The following SYNE2 variants were observed in gnomAD, a reference collection of about 807,000 sequenced individuals.
The protein encoded by SYNE2 is spectrin repeat containing nuclear envelope protein 2, also known as nesprin-2.
A neutral mutation model predicts 856.3 loss-of-function variants in SYNE2; 431 were observed. The observed-to-expected ratio is 0.50, with a 90% CI of 0.47 to 0.55. The LOEUF (loss-of-function observed/expected upper bound fraction) is 0.55. Ranked by LOEUF, SYNE2 falls within the 20% of genes least tolerant of loss-of-function variation. The pLI, the probability that SYNE2 is intolerant of heterozygous loss-of-function variation, is 0.00. For synonymous variants in SYNE2, 2,923 were observed against 2,872.3 expected, an observed-to-expected ratio of 1.02 and a Z score of -0.56; for missense variants, 8,129 against 8,023.2, an observed-to-expected ratio of 1.01 and a Z score of -0.50.
intron 85 of SYNE2, among the ~76,000 whole-genome samples, chr14:64,158,392 C>T (rs956935628): frequency 6.6e-6 from 1 of 152,202 alleles, no homozygotes; most frequent in African/African-American, 2.4e-5. Context: ...AGTCTGAACT[C>T]CTTCAGTGCT....
At chr14:63,967,612 T>G in intron 10 of SYNE2, 97 bp from the exon 11 acceptor site, 1 of 1,330,878 alleles carries the variant, frequency 7.5e-7, no homozygotes, top group Non-Finnish European at 1.0e-6. Flanking sequence ...AGTAAAAACT[T>G]AAATATATCC....
chr14:63,984,573 T>C (rs1169447443), intron 18 of SYNE2, among the ~76,000 whole-genome samples: 2 of 152,226 alleles, frequency 1.3e-5, no homozygotes, highest in Non-Finnish European at 2.9e-5. Context: ...CTTCCTTGTT[T>C]TGTTGGGTAA....
rs142499565 is a variant in SYNE2, at chr14:64,080,426, T to G, written c.11164-30T>G. On this transcript the variant is annotated intron_variant, in intron 55 of 115. Coordinates refer to ENST00000555002, the MANE Select transcript of SYNE2 (RefSeq NM_182914.3). The stretch of plus-strand genomic sequence containing the variant: ...GCCTCCATAAACTATGACCTCTTCA[T>G]TCAAGTTGACTTACGATTTCCTTCT... 1.3e-5 allele frequency: 21 copies of G among 1,612,788 alleles called. No individual in the cohort carries two copies. The Middle Eastern group carries it at 1.3e-3, about 101-fold the overall frequency.
rs548279685 is a variant in SYNE2 at position 64,225,320 on chromosome 14, G to T, written c.20518G>T (p.Val6840Phe). 1 of 1,613,990 alleles carries T rather than the reference G, an allele frequency of 6.2e-7. No individual in the cohort carries two copies. Among genetic ancestry groups the T allele is most frequent in the African/African-American group, 1.3e-5 (1 of 74,902 alleles). Residue 6840 changes from valine (V) to phenylalanine (F), a missense_variant and splice_region_variant, in exon 116 of 116, where the codon GTC becomes TTC. This residue lies in a region of SYNE2 where 5,410 missense variants were observed against 5,284.8 expected (regional missense o/e 1.02). Transcript: ENST00000555002. ...GCTCTCAACCTCCTCTGTTGGCAGG[G>T]TCCCCGGCAGCACACGGCCACAGCG... The part of the protein sequence containing the change: ...TEGEEETESR[V>F]PGSTRPQRSF...
At chr14:63,900,903 GAGA>G (rs1425080256) in intron 1 of SYNE2, among the ~76,000 whole-genome samples, 9 of 152,192 alleles carry the variant, frequency 5.9e-5, no homozygotes, top group Non-Finnish European at 8.8e-5. Flanking sequence ...ACTGATAAAG[GAGA>G]AGATCCTTCC....
At chr14:64,034,167 A>C (rs576202334) in intron 45 of SYNE2, among the ~76,000 whole-genome samples, 1 of 152,226 alleles carries the variant, frequency 6.6e-6, no homozygotes, top group Non-Finnish European at 1.5e-5. Flanking sequence ...TCTCAATATA[A>C]TGAATACGTA....
intron 45 of SYNE2, among the ~76,000 whole-genome samples, chr14:64,044,886 G>A (rs1381156486): frequency 6.6e-6 from 1 of 152,058 alleles, no homozygotes; most frequent in Non-Finnish European, 1.5e-5. Context: ...AAATTGCCCA[G>A]TCTCAGGTAT....
intron 81 of SYNE2, 85 bp from the exon 82 acceptor site, chr14:64,141,857 A>G (rs1440748729): frequency 3.3e-6 from 5 of 1,511,076 alleles, no homozygotes; most frequent in Non-Finnish European, 4.5e-6. Flanking sequence ...AAGACCTTTT[A>G]TCAAACCAGA....
At chr14:64,154,647 A>AGCTGG (rs1231669593) in intron 85 of SYNE2, among the ~76,000 whole-genome samples, 1 of 152,024 alleles carries the variant, frequency 6.6e-6, no homozygotes, top group African/African-American at 2.4e-5. Flanking sequence ...AGAAAAAATT[A>AGCTGG]GCTGGGTGTG....
At chr14:63,897,343 C>T (rs1176790865) in intron 1 of SYNE2, among the ~76,000 whole-genome samples, 2 of 152,176 alleles carry the variant, frequency 1.3e-5, no homozygotes, top group Admixed American at 1.3e-4. Context: ...GTTTCCCCAC[C>T]TTTGTAGTTC....
intron 1 of SYNE2, among the ~76,000 whole-genome samples, chr14:63,876,824 C>T (rs564996884): frequency 6.6e-6 from 1 of 152,152 alleles, no homozygotes; most frequent in South Asian, 2.1e-4. Context: ...CTAATCGTAT[C>T]AAATAAACCG....
chr14:63,854,557 A>AT (rs1235822399), intron 1 of SYNE2, among the ~76,000 whole-genome samples: 3 of 152,216 alleles, frequency 2.0e-5, no homozygotes, highest in African/African-American at 7.2e-5. Context: ...TGTAATCCTC[A>AT]TTAAGTTTTT....
intron 84 of SYNE2, among the ~76,000 whole-genome samples, chr14:64,146,952 A>C (rs750740656): frequency 6.6e-6 from 1 of 152,144 alleles, no homozygotes; most frequent in African/African-American, 2.4e-5. Context: ...CTGGACATAA[A>C]TGTGAGCAGC....
intron 1 of SYNE2, among the ~76,000 whole-genome samples, chr14:63,887,960 C>T (rs1566716784): frequency 6.6e-6 from 1 of 152,082 alleles, no homozygotes; most frequent in African/African-American, 2.4e-5. Context: ...ACCATGTTGG[C>T]CAGGCTTGTC....
chr14:64,153,792 A>G lies in SYNE2; in HGVS notation c.15792+1076A>G, dbSNP rs143377713. ...AAGAGAAAATTAAATGAAATAATGC[A>G]TGTGAAAACATGCAGATAGTACTGT... On this transcript the variant is annotated intron_variant, in intron 85 of 115. Transcript: ENST00000555002. Among the ~76,000 whole-genome samples the G allele has an allele frequency of 3.3e-5, 5 of 152,356 alleles. No individual in the cohort carries two copies. In the East Asian group the frequency reaches 9.6e-4, roughly 29 times the overall value.
intron 1 of SYNE2, among the ~76,000 whole-genome samples, chr14:63,817,037 A>G (rs1471024689): frequency 6.6e-6 from 1 of 152,154 alleles, no homozygotes; most frequent in Non-Finnish European, 1.5e-5. Context: ...GCACACCACC[A>G]TGCCTGACTT....
chr14:64,139,913 G>T (rs2153690733), intron 79 of SYNE2, 28 bp from the exon 80 acceptor site: 1 of 1,613,378 alleles, frequency 6.2e-7, no homozygotes. Flanking sequence ...TTTCTAATCT[G>T]CCTTCTCTCT....
rs1209796486 is a variant in SYNE2 at position 64,137,826 on chromosome 14, T to C, written c.14686T>C (p.Tyr4896His). The change falls in exon 79 of 116, where the codon TAC becomes CAC. Residue 4896 changes from tyrosine to histidine, a missense_variant. By Grantham distance (83) the Tyr-to-His change is moderately conservative. This residue lies in a region of SYNE2 where 5,410 missense variants were observed against 5,284.8 expected (regional missense o/e 1.02). Coordinates refer to ENST00000555002, the MANE Select transcript of SYNE2 (RefSeq NM_182914.3). ...RNIGGKHARL[Y>H]QTLNEGKQLV... ...CATTGGTGGAAAACACGCCCGGCTT[T>C]ACCAAACTCTGAACGAAGGCAAACA... The C allele has an allele frequency of 1.2e-6, 2 of 1,614,110 alleles. No individual in the cohort carries two copies. Among genetic ancestry groups the C allele is most frequent in the Admixed American group, 1.7e-5 (1 of 60,010 alleles).
intron 7 of SYNE2, among the ~76,000 whole-genome samples, chr14:63,954,130 A>C (rs532793697): frequency 6.6e-6 from 1 of 152,170 alleles, no homozygotes. Flanking sequence ...TGTATATACC[A>C]CATTTTGTTT....
Sources: allele counts gnomAD v4.1 joint callset (sites outside exome capture counted in the v4.1 genomes callset), GRCh38; gene constraint gnomAD v4.1.1; regional missense constraint gnomAD v4.1.1; transcripts MANE v1.5; gene names NCBI Gene and HGNC (gene_info 2026-07-23, HGNC 2026-07-21).